Variants in MANEA observed in about 807,000 individuals in gnomAD.
MANEA encodes glycoprotein endo-alpha-1,2-mannosidase.
In MANEA, 25 loss-of-function variants were observed where a neutral mutation model predicts 36.8. The observed-to-expected ratio is 0.68, with a 90% CI of 0.50 to 0.95. MANEA has a LOEUF of 0.95. MANEA is among the 40% of genes least tolerant of loss of function. The pLI, the probability that MANEA is intolerant of heterozygous loss-of-function variation, is 0.00. For synonymous variants in MANEA, 198 were observed against 188.5 expected (o/e 1.05, Z -0.41); for missense variants, 565 against 558.8 (o/e 1.01, Z -0.11).
chr6:95,586,986 A>G lies in MANEA; in HGVS notation c.544+3A>G, dbSNP rs764025413. 6.7e-7 allele frequency: 1 copy of G among 1,497,728 alleles called. No individual in the cohort carries two copies. Among genetic ancestry groups the G allele is most frequent in the Non-Finnish European group, 9.1e-7 (1 of 1,093,586 alleles). The allele number at this position is 1,497,728 out of a possible 1,614,324, so 92.8% of individuals were successfully genotyped here. On this transcript the variant is annotated splice_donor_region_variant and intron_variant, in intron 2 of 4. Transcript: ENST00000358812. ...ACAAATGCGCTCAGCTTCAATTGGT[A>G]ATTATTGTATATATATATATGTGTG...
In MANEA at chr6:95,586,953, C is replaced by G; in HGVS notation, c.514C>G (p.His172Asp). 1.9e-6 allele frequency: 3 copies of G among 1,610,644 alleles called. No homozygotes were observed. The highest frequency in any genetic ancestry group is 2.2e-5 in the South Asian group (2 of 91,004). Residue 172 changes from histidine (H) to aspartate (D), a missense_variant, in exon 2 of 5, where the codon CAC (histidine) becomes GAC (aspartate). Physicochemically the swap from His to Asp is moderately conservative, Grantham distance 81. Coordinates refer to ENST00000358812, the MANE Select transcript of MANEA (RefSeq NM_024641.4). ...SSRDPSVIET[H>D]MRQMRSASIG... ...TCGGGATCCTTCTGTCATAGAAACT[C>G]ACATGAGACAAATGCGCTCAGCTTC... is the stretch of plus-strand genomic sequence containing the variant.
chr6:95,583,808 A>G (rs922479216), intron 1 of MANEA, among the ~76,000 whole-genome samples: 2 of 152,130 alleles, frequency 1.3e-5, no homozygotes, highest in African/African-American at 4.8e-5. Context: ...CTATTCTTTT[A>G]TGTTATTCTT....
At chr6:95,591,496 G>C (rs183091521) in intron 2 of MANEA, among the ~76,000 whole-genome samples, 58 of 151,772 alleles carry the variant, frequency 3.8e-4, no homozygotes, top group African/African-American at 1.3e-3. Flanking sequence ...GGATGGATAT[G>C]TTTTGTTGTT....
chr6:95,583,323 A>G (rs1769216558), intron 1 of MANEA, among the ~76,000 whole-genome samples: 1 of 152,024 alleles, frequency 6.6e-6, no homozygotes, highest in Admixed American at 6.6e-5. Flanking sequence ...ACATTTAATT[A>G]TGTATATATA....
chr6:95,580,332 C>A (rs902838530), intron 1 of MANEA, among the ~76,000 whole-genome samples: 2 of 151,970 alleles, frequency 1.3e-5, no homozygotes, highest in African/African-American at 4.8e-5. Flanking sequence ...ATATGTTATG[C>A]TCTACTAGAA....
chr6:95,604,714 T>C (rs1769666834), intron 3 of MANEA, 113 bp from the exon 4 acceptor site: 3 of 477,302 alleles, frequency 6.3e-6, no homozygotes, highest in Non-Finnish European at 1.1e-5. Context: ...TCAATAAATA[T>C]TCATCTTTAA....
intron 1 of MANEA, among the ~76,000 whole-genome samples, chr6:95,583,594 G>A (rs1052109178): frequency 1.3e-5 from 2 of 152,062 alleles, no homozygotes; most frequent in African/African-American, 4.8e-5. Flanking sequence ...ACTTTAGTTA[G>A]ATATGCTTGT....
intron 3 of MANEA, among the ~76,000 whole-genome samples, chr6:95,602,775 C>G (rs1769616605): frequency 6.7e-6 from 1 of 150,250 alleles, no homozygotes; most frequent in African/African-American, 2.5e-5. Context: ...AATCCCAGCA[C>G]TTTGGGAGGC....
intron 2 of MANEA, among the ~76,000 whole-genome samples, chr6:95,589,145 T>A (rs1017356828): frequency 1.3e-5 from 2 of 152,218 alleles, no homozygotes; most frequent in East Asian, 3.9e-4. Context: ...AAGAAATAAT[T>A]TCTTAATGAG....
intron 1 of MANEA, among the ~76,000 whole-genome samples, chr6:95,585,998 A>G (rs1359540943): frequency 6.6e-6 from 1 of 152,226 alleles, no homozygotes; most frequent in East Asian, 1.9e-4. Flanking sequence ...CCTTGTCTCT[A>G]CAATAAATAA....
At chr6:95,591,038 A>G (rs1203330728) in intron 2 of MANEA, among the ~76,000 whole-genome samples, 2 of 152,234 alleles carry the variant, frequency 1.3e-5, no homozygotes, top group Non-Finnish European at 2.9e-5. Flanking sequence ...AGACAAATAT[A>G]TAGATGAATT....
At chr6:95,594,465 G>A (rs1037033802) in intron 2 of MANEA, among the ~76,000 whole-genome samples, 3 of 152,158 alleles carry the variant, frequency 2.0e-5, no homozygotes, top group African/African-American at 7.2e-5. Flanking sequence ...CATTTTTAAA[G>A]GTAAGTGCTT....
Position 95,608,035 on chromosome 6 carries a change from CAGAG to C in MANEA, c.*1632_*1635del, listed in dbSNP as rs903296107. The stretch of plus-strand genomic sequence containing the variant: ...TAAAATTTTGGAATTTGCCATTTCT[CAGAG>C]AATGATCAGGCCTTAGGAAATTAAT... On this transcript the variant is annotated 3_prime_UTR_variant, in exon 5 of 5. Transcript: ENST00000358812. 3 of 151,652 alleles carry C rather than the reference CAGAG, an allele frequency of 2.0e-5. No individual in the cohort carries two copies. The highest frequency in any genetic ancestry group is 2.0e-4 in the Admixed American group (3 of 15,180). The allele number at this position is 151,652 out of a possible 1,614,324, so 9.4% of individuals were successfully genotyped here. A position where few individuals can be genotyped will look rare whatever the true frequency, so the allele number is the denominator to read the frequency against.
intron 1 of MANEA, among the ~76,000 whole-genome samples, chr6:95,579,044 T>G (rs909163079): frequency 3.9e-5 from 6 of 152,184 alleles, no homozygotes; most frequent in African/African-American, 1.4e-4. Flanking sequence ...AGTTACCAAC[T>G]GCTCAGCTTC....
rs760065834 is a variant in MANEA, at chr6:95,591,216, T to C, written c.544+4233T>C. On this transcript the variant is annotated intron_variant, in intron 2 of 4. Transcript: ENST00000358812. ...TGTAGATCCAAGTGTATGTCTAATA[T>C]CATATTCTTTCTCTCTTAAAAATTT... Among the ~76,000 whole-genome samples, 8 of 152,278 alleles carry C rather than the reference T, an allele frequency of 5.3e-5. 1 individual carries two copies. In the East Asian group the frequency reaches 1.4e-3, roughly 26 times the overall value.
chr6:95,590,786 G>A (rs1416914528), intron 2 of MANEA, among the ~76,000 whole-genome samples: 1 of 152,180 alleles, frequency 6.6e-6, no homozygotes, highest in African/African-American at 2.4e-5. Flanking sequence ...TATACTTAAT[G>A]TGTAATGTAA....
At chr6:95,595,320 G>C (rs934497536) in intron 2 of MANEA, among the ~76,000 whole-genome samples, 7 of 152,120 alleles carry the variant, frequency 4.6e-5, no homozygotes, top group South Asian at 2.1e-4. Flanking sequence ...ATTGTCTCCA[G>C]ACACTTTTCT....
chr6:95,577,600 C>T lies in MANEA; in HGVS notation c.-77C>T, dbSNP rs924512808. 6.6e-6 allele frequency: 1 copy of T among 152,348 alleles called. No individual in the cohort carries two copies. The highest frequency in any genetic ancestry group is 6.5e-5 in the Admixed American group (1 of 15,290). The allele number at this position is 152,348 out of a possible 1,614,324, so 9.4% of individuals were successfully genotyped here. A position where few individuals can be genotyped will look rare whatever the true frequency, so the allele number is the denominator to read the frequency against. On this transcript the variant is annotated 5_prime_UTR_variant, in exon 1 of 5. Coordinates refer to ENST00000358812, the MANE Select transcript of MANEA (RefSeq NM_024641.4). Reference sequence around the variant, plus strand: ...TATGTTCGCGGTCTTAACCTCTCCTCTGGCCGAGTCCTTGCAAGAAGTGAA... The same window carrying T: ...TATGTTCGCGGTCTTAACCTCTCCTTTGGCCGAGTCCTTGCAAGAAGTGAA...
At chr6:95,581,245 T>C (rs1449508672) in intron 1 of MANEA, among the ~76,000 whole-genome samples, 1 of 152,170 alleles carries the variant, frequency 6.6e-6, no homozygotes, top group African/African-American at 2.4e-5. Context: ...AATTGAGACA[T>C]GGAGGTTGAG....
Sources: gnomAD v4.1 joint callset for allele counts (sites outside exome capture counted in the v4.1 genomes callset) on GRCh38, gnomAD v4.1.1 for gene constraint, MANE v1.5 for transcripts, NCBI Gene and HGNC (gene_info 2026-07-23, HGNC 2026-07-21) for gene names.